CD47: variants seen among roughly 807,000 people sequenced by gnomAD.
CD47 encodes the protein leukocyte surface antigen CD47.
A neutral mutation model predicts 44.6 loss-of-function variants in CD47; 11 were observed. The ratio of observed to expected loss-of-function variants is 0.25; its 90% CI spans 0.16 to 0.41. The LOEUF (loss-of-function observed/expected upper bound fraction) is 0.41, where lower values mean the gene tolerates loss of function less well. Ranked by LOEUF, CD47 falls within the 10% of genes least tolerant of loss-of-function variation. The probability of loss-of-function intolerance (pLI) is 1.00; values close to 1 mark genes in which losing one functional copy is unlikely to be tolerated. For missense variants in CD47, 306 were observed against 386.7 expected (o/e 0.79, Z 1.75); for synonymous variants, 140 against 136.3 (o/e 1.03, Z -0.19).
At chr3:108,068,646 A>C (rs1447351206) in intron 3 of CD47, among the ~76,000 whole-genome samples, 1 of 152,164 alleles carries the variant, frequency 6.6e-6, no homozygotes, top group Non-Finnish European at 1.5e-5. Flanking sequence ...CAAATTGCCT[A>C]ATCTATCTGT....
intron 2 of CD47, among the ~76,000 whole-genome samples, chr3:108,077,031 C>A (rs539900257): frequency 6.6e-6 from 1 of 152,128 alleles, no homozygotes; most frequent in Non-Finnish European, 1.5e-5. Flanking sequence ...TACATAGGCA[C>A]AGAGGTATAT....
chr3:108,085,734 G>A (rs2108273415), intron 1 of CD47, among the ~76,000 whole-genome samples: 1 of 152,204 alleles, frequency 6.6e-6, no homozygotes, highest in South Asian at 2.1e-4. Context: ...CTAACACAGG[G>A]TCCAGAAAGT....
At chr3:108,089,825 T>C (rs2079593549) in intron 1 of CD47, among the ~76,000 whole-genome samples, 1 of 152,184 alleles carries the variant, frequency 6.6e-6, no homozygotes, top group Non-Finnish European at 1.5e-5. Context: ...ATGTAACAAT[T>C]GCTGTCACTG....
intron 1 of CD47, among the ~76,000 whole-genome samples, chr3:108,080,788 C>T (rs2079402982): frequency 6.6e-6 from 1 of 151,830 alleles, no homozygotes; most frequent in South Asian, 2.1e-4. Flanking sequence ...CTAAATAGAA[C>T]TTGCTGAACT....
At chr3:108,073,451 G>T (rs184308107) in intron 2 of CD47, among the ~76,000 whole-genome samples, 6 of 152,204 alleles carry the variant, frequency 3.9e-5, no homozygotes, top group Admixed American at 3.3e-4. Flanking sequence ...GTGCAGAGTG[G>T]GAGAAGCTGA....
At chr3:108,064,748 C>A (rs1003427510) in intron 3 of CD47, among the ~76,000 whole-genome samples, 2 of 152,060 alleles carry the variant, frequency 1.3e-5, no homozygotes, top group Non-Finnish European at 2.9e-5. Context: ...CAGGCTGATG[C>A]GTATCAGACT....
chr3:108,060,742 T>C lies in CD47; in HGVS notation c.598+3A>G, dbSNP rs2078996816. On this transcript the variant is annotated splice_donor_region_variant and intron_variant, in intron 4 of 10. Transcript: ENST00000361309. Reference sequence around the variant, plus strand: ...GTTCCTGCCTAGGAACTGCACATCTTACCTGGGACGAAAAGAATGGCTCCA... The same window carrying C: ...GTTCCTGCCTAGGAACTGCACATCTCACCTGGGACGAAAAGAATGGCTCCA... 6.2e-7 allele frequency: 1 copy of C among 1,601,742 alleles called. No individual in the cohort carries two copies. Among genetic ancestry groups the C allele is most frequent in the African/African-American group, 1.3e-5 (1 of 74,654 alleles).
chr3:108,066,663 G>C (rs143983688), intron 3 of CD47, among the ~76,000 whole-genome samples: 37 of 152,268 alleles, frequency 2.4e-4, no homozygotes, highest in African/African-American at 8.7e-4. Flanking sequence ...GAGGAAACTA[G>C]GCAAGAAAGA....
At chr3:108,061,026 C>T (rs548304268) in intron 3 of CD47, among the ~76,000 whole-genome samples, 174 bp from the exon 4 acceptor site, 9 of 151,852 alleles carry the variant, frequency 5.9e-5, no homozygotes, top group South Asian at 2.1e-4. Context: ...AAATGGATAA[C>T]GTCACGGCAG....
At chr3:108,074,347 T>C (rs1365475973) in intron 2 of CD47, among the ~76,000 whole-genome samples, 1 of 151,962 alleles carries the variant, frequency 6.6e-6, no homozygotes, top group Non-Finnish European at 1.5e-5. Context: ...GGAGTCTCAC[T>C]CTGTTGCCCA....
intron 7 of CD47, among the ~76,000 whole-genome samples, chr3:108,056,475 T>C (rs1261704172): frequency 6.6e-6 from 1 of 152,208 alleles, no homozygotes; most frequent in Non-Finnish European, 1.5e-5. Flanking sequence ...GTGAGTCATA[T>C]GAGAAATTAT....
intron 1 of CD47, among the ~76,000 whole-genome samples, chr3:108,081,016 A>C (rs780564851): frequency 1.3e-5 from 2 of 151,844 alleles, no homozygotes; most frequent in Non-Finnish European, 2.9e-5. Flanking sequence ...GGGAGTCTTG[A>C]ATGACATTTT....
At chr3:108,065,118 T>G (rs2079080583) in intron 3 of CD47, among the ~76,000 whole-genome samples, 1 of 152,228 alleles carries the variant, frequency 6.6e-6, no homozygotes, top group African/African-American at 2.4e-5. Flanking sequence ...CTCCATACAC[T>G]ATCCAACTTG....
chr3:108,084,180 T>C (rs955983856), intron 1 of CD47, among the ~76,000 whole-genome samples: 3 of 152,034 alleles, frequency 2.0e-5, no homozygotes, highest in Non-Finnish European at 2.9e-5. Flanking sequence ...TCCTTAAATC[T>C]GTTACGTGGC....
chr3:108,070,994 A>C (rs2079190546), intron 3 of CD47, 99 bp downstream of exon 3: 1 of 587,352 alleles, frequency 1.7e-6, no homozygotes, highest in Non-Finnish European at 3.0e-6. Context: ...TCATAATAGC[A>C]CTTTTCCTAG....
chr3:108,061,950 G>T (rs1297051561), intron 3 of CD47, among the ~76,000 whole-genome samples: 1 of 152,088 alleles, frequency 6.6e-6, no homozygotes, highest in African/African-American at 2.4e-5. Context: ...GCCCCTAAAT[G>T]ATTGTGATAA....
At position 108,051,984 on chromosome 3, in the gene CD47, C is replaced by T. The variant is rs1202645836; in HGVS notation, c.878-14G>A. On this transcript the variant is annotated splice_polypyrimidine_tract_variant and intron_variant, in intron 7 of 10. Coordinates refer to ENST00000361309, the MANE Select transcript of CD47 (RefSeq NM_001777.4). ...TCTGATTGGAAGCTGATATAAATAA[C>T]AAATAAGAATATAAATTTAATAAAT... is the stretch of plus-strand genomic sequence containing the variant. 1 of 1,174,536 alleles carries T rather than the reference C, an allele frequency of 8.5e-7. No individual in the cohort carries two copies. Among genetic ancestry groups the T allele is most frequent in the African/African-American group, 1.5e-5 (1 of 65,818 alleles). The allele number at this position is 1,174,536 out of a possible 1,614,324, so 72.8% of individuals were successfully genotyped here. A position where few individuals can be genotyped will look rare whatever the true frequency, so the allele number is the denominator to read the frequency against.
chr3:108,082,595 T>TTGAGAA (rs2079439583), intron 1 of CD47, among the ~76,000 whole-genome samples: 2 of 152,030 alleles, frequency 1.3e-5, no homozygotes, highest in East Asian at 3.9e-4. Context: ...TGGTTTGACT[T>TTGAGAA]TCAAGAGATT....
Position 108,047,131 on chromosome 3 carries a change from A to C in CD47, c.*157T>G. The C allele has an allele frequency of 2.1e-6, 1 of 468,896 alleles. No individual in the cohort carries two copies. Among genetic ancestry groups the C allele is most frequent in the East Asian group, 3.3e-5 (1 of 30,130 alleles). The allele number at this position is 468,896 out of a possible 1,614,324, so 29.0% of individuals were successfully genotyped here. On this transcript the variant is annotated 3_prime_UTR_variant, in exon 11 of 11. Transcript: ENST00000361309. ...TTACAGCTGCTTTGAATAAAAACTTAACTAACAATCACGTAAGGGTCTCAT... is the reference window on the plus strand; with the variant it reads ...TTACAGCTGCTTTGAATAAAAACTTCACTAACAATCACGTAAGGGTCTCAT...
Sources: allele counts gnomAD v4.1 joint callset (sites outside exome capture counted in the v4.1 genomes callset), GRCh38; gene constraint gnomAD v4.1.1; transcripts MANE v1.5; gene names NCBI Gene and HGNC (gene_info 2026-07-23, HGNC 2026-07-21).